MYRIP: variants seen among roughly 807,000 people sequenced by gnomAD.
The protein encoded by MYRIP is myosin VIIA and Rab interacting protein, also known as rab effector MyRIP.
In MYRIP, 49 loss-of-function variants were observed where a neutral mutation model predicts 98.0. The ratio of observed to expected loss-of-function variants is 0.50; its 90% CI spans 0.40 to 0.63. The LOEUF (loss-of-function observed/expected upper bound fraction) is 0.63, where lower values mean the gene tolerates loss of function less well. Ranked by LOEUF, MYRIP falls within the 30% of genes least tolerant of loss-of-function variation. MYRIP has a pLI of 0.00. For synonymous variants in MYRIP, 404 were observed against 409.5 expected (o/e 0.99, Z 0.16); for missense variants, 1,004 against 1,058.2 (o/e 0.95, Z 0.71).
chr3:39,950,158 A>G (rs1944977729), intron 2 of MYRIP, among the ~76,000 whole-genome samples: 2 of 152,050 alleles, frequency 1.3e-5, no homozygotes, highest in African/African-American at 4.8e-5. Flanking sequence ...GAATTCTTCC[A>G]TCTTTAGTTT....
chr3:39,936,491 A>G (rs13082994), intron 2 of MYRIP, among the ~76,000 whole-genome samples: 13,720 of 152,134 alleles, frequency 0.09, 738 homozygotes, highest in African/African-American at 0.15. Flanking sequence ...GAGCCCCAGT[A>G]TCTCCAAGCA....
intron 3 of MYRIP, among the ~76,000 whole-genome samples, chr3:40,101,866 G>T (rs940556477): frequency 3.9e-5 from 6 of 152,140 alleles, no homozygotes; most frequent in Non-Finnish European, 7.3e-5. Flanking sequence ...ACCCAGGACT[G>T]GCAGTTTACC....
intron 13 of MYRIP, among the ~76,000 whole-genome samples, chr3:40,249,572 CAG>C (rs1953311623): frequency 6.6e-6 from 1 of 152,202 alleles, no homozygotes; most frequent in Non-Finnish European, 1.5e-5. Flanking sequence ...TTTCTGGAGA[CAG>C]GGGAGGACCA....
At chr3:39,842,352 C>T (rs1371696665) in intron 1 of MYRIP, among the ~76,000 whole-genome samples, 1 of 152,194 alleles carries the variant, frequency 6.6e-6, no homozygotes, top group Non-Finnish European at 1.5e-5. Flanking sequence ...GACTGCCGTG[C>T]TGGCAGCGAG....
intron 1 of MYRIP, among the ~76,000 whole-genome samples, chr3:39,876,930 A>G (rs1056237874): frequency 9.9e-5 from 15 of 152,204 alleles, no homozygotes; most frequent in Non-Finnish European, 1.9e-4. Context: ...AATATCCTGC[A>G]GAGTGTTTTC....
At chr3:40,086,941 C>T (rs1055959329) in intron 3 of MYRIP, among the ~76,000 whole-genome samples, 7 of 152,002 alleles carry the variant, frequency 4.6e-5, no homozygotes, top group Admixed American at 1.3e-4. Context: ...GGGGTAGGAA[C>T]AAGGGAAGCC....
At chr3:40,092,226 A>G (rs907269746) in intron 3 of MYRIP, among the ~76,000 whole-genome samples, 1 of 152,180 alleles carries the variant, frequency 6.6e-6, no homozygotes, top group Non-Finnish European at 1.5e-5. Context: ...ATCTTGATTC[A>G]GAGACCCTGC....
At chr3:39,979,416 A>G (rs1042719015) in intron 2 of MYRIP, among the ~76,000 whole-genome samples, 1 of 152,124 alleles carries the variant, frequency 6.6e-6, no homozygotes, top group Non-Finnish European at 1.5e-5. Flanking sequence ...AGGCGGGCGG[A>G]TCACCTGAGG....
intron 11 of MYRIP, chr3:40,233,206 C>T (rs1322943808): frequency 1.3e-5 from 2 of 152,290 alleles, no homozygotes; most frequent in Non-Finnish European, 2.9e-5. Flanking sequence ...TATGACTACA[C>T]CTAGCTGCAA....
intron 1 of MYRIP, among the ~76,000 whole-genome samples, chr3:39,876,476 G>T (rs1191068212): frequency 1.3e-5 from 2 of 152,082 alleles, no homozygotes; most frequent in African/African-American, 2.4e-5. Flanking sequence ...GCAGTGGTTG[G>T]TACCGGTTGT....
At chr3:39,992,439 CACAGCT>C (rs1481519864) in intron 2 of MYRIP, among the ~76,000 whole-genome samples, 1 of 152,202 alleles carries the variant, frequency 6.6e-6, no homozygotes, top group Non-Finnish European at 1.5e-5. Flanking sequence ...CCCCCAAGGG[CACAGCT>C]ACCTTGCAGC....
At chr3:40,007,253 C>G (rs139367749) in intron 2 of MYRIP, among the ~76,000 whole-genome samples, 11 of 152,104 alleles carry the variant, frequency 7.2e-5, no homozygotes, top group Admixed American at 3.9e-4. Context: ...TGTCAGAGGA[C>G]CATTCATGTC....
chr3:39,889,638 CCTG>C (rs1437865913), intron 1 of MYRIP, among the ~76,000 whole-genome samples: 1 of 152,074 alleles, frequency 6.6e-6, no homozygotes, highest in Non-Finnish European at 1.5e-5. Context: ...ATGTAACTAA[CCTG>C]CGCATTGTGC....
chr3:39,942,283 A>G (rs1304810800), intron 2 of MYRIP, among the ~76,000 whole-genome samples: 1 of 152,120 alleles, frequency 6.6e-6, no homozygotes, highest in African/African-American at 2.4e-5. Context: ...AAGGCAGAAA[A>G]GACCAATAAC....
chr3:40,129,895 G>A (rs1007689336), intron 3 of MYRIP, among the ~76,000 whole-genome samples: 2 of 152,144 alleles, frequency 1.3e-5, no homozygotes, highest in African/African-American at 4.8e-5. Flanking sequence ...ATGTGATTCC[G>A]ATCTGTCTTC....
intron 2 of MYRIP, among the ~76,000 whole-genome samples, chr3:39,920,439 C>T (rs114132412): frequency 1.0e-3 from 153 of 152,224 alleles, no homozygotes; most frequent in Non-Finnish European, 1.9e-3. Context: ...TATTCACTCA[C>T]GTACTGACTT....
chr3:40,050,657 A>G (rs962289349), intron 3 of MYRIP, among the ~76,000 whole-genome samples: 1 of 152,154 alleles, frequency 6.6e-6, no homozygotes, highest in Non-Finnish European at 1.5e-5. Flanking sequence ...TCATAACACT[A>G]TAACAGCCAC....
chr3:40,235,013 A>G (rs547397351), intron 12 of MYRIP, among the ~76,000 whole-genome samples: 23 of 147,686 alleles, frequency 1.6e-4, no homozygotes, highest in African/African-American at 5.4e-4. Flanking sequence ...AAAAAAAAAG[A>G]TACCAACACA....
chr3:40,095,872 CCTCCTT>C (rs1264057366), intron 3 of MYRIP, among the ~76,000 whole-genome samples: 5 of 151,792 alleles, frequency 3.3e-5, no homozygotes, highest in East Asian at 2.0e-4. Context: ...CTTGTCCTTC[CCTCCTT>C]CTCCTTCTCC....
Sources: allele counts gnomAD v4.1 joint callset (sites outside exome capture counted in the v4.1 genomes callset), GRCh38; gene constraint gnomAD v4.1.1; transcripts MANE v1.5; gene names NCBI Gene and HGNC (gene_info 2026-07-23, HGNC 2026-07-21).